NHSL2: variants seen among roughly 807,000 people sequenced by gnomAD.
NHSL2 encodes the protein NHS-like protein 2.
NHSL2 carries 27 observed loss-of-function variants against 53.4 expected under a neutral mutation model. That is an observed-to-expected ratio of 0.51 (90% CI 0.37 to 0.70). NHSL2 has a LOEUF of 0.70. Among genes scored for constraint, NHSL2 ranks in the 30% least tolerant of loss-of-function variants. The pLI is 0.00. For synonymous variants in NHSL2, 408 were observed against 404.1 expected (o/e 1.01, Z -0.12); for missense variants, 892 against 980.1 (o/e 0.91, Z 1.20).
At chrX:72,029,757 C>T (rs956709447) in intron 1 of NHSL2, among the ~76,000 whole-genome samples, 35 of 112,500 alleles carry the variant, frequency 3.1e-4, no homozygotes, top group Admixed American at 2.4e-3. Context: ...GGAGGGGAGG[C>T]GGAGAAAATG....
chrX:71,944,141 C>T (rs926354119), intron 1 of NHSL2, among the ~76,000 whole-genome samples: 2 of 112,430 alleles, frequency 1.8e-5, no homozygotes, highest in Non-Finnish European at 3.8e-5. Flanking sequence ...GAGACTTGGC[C>T]AATGCCTGCC....
chrX:72,111,157 G>C (rs1011741862), intron 1 of NHSL2, among the ~76,000 whole-genome samples: 2 of 112,601 alleles, frequency 1.8e-5, no homozygotes, highest in Non-Finnish European at 3.8e-5. Context: ...TGGAAGAGGA[G>C]GATGAAGGCC....
chrX:72,028,867 G>T (rs979182257), intron 1 of NHSL2, among the ~76,000 whole-genome samples: 1 of 112,346 alleles, frequency 8.9e-6, no homozygotes, highest in African/African-American at 3.2e-5. Context: ...CCCCTGGTTG[G>T]GTCCTCAGCA....
At chrX:71,993,123 T>C (rs983435364) in intron 1 of NHSL2, among the ~76,000 whole-genome samples, 4 of 112,014 alleles carry the variant, frequency 3.6e-5, no homozygotes, top group Admixed American at 2.8e-4. Context: ...CAGTAGTTGC[T>C]GGTGTCTGAA....
At chrX:72,100,585 C>T (rs893141017) in intron 1 of NHSL2, among the ~76,000 whole-genome samples, 1 of 112,120 alleles carries the variant, frequency 8.9e-6, no homozygotes, top group Non-Finnish European at 1.9e-5. Context: ...GGCGGGCGAG[C>T]ATTACCGCCT....
At chrX:72,064,716 G>A (rs1260197151) in intron 1 of NHSL2, among the ~76,000 whole-genome samples, 1 of 112,059 alleles carries the variant, frequency 8.9e-6, no homozygotes, top group East Asian at 2.8e-4. Context: ...TGCTTCTTTC[G>A]GGCCTCAGAC....
intron 6 of NHSL2, among the ~76,000 whole-genome samples, chrX:72,141,954 T>C (rs1260696228): frequency 8.9e-6 from 1 of 111,781 alleles, no homozygotes; most frequent in Non-Finnish European, 1.9e-5. Context: ...AGAAATGATA[T>C]ACAGTGTTTA....
rs1238234769 is a variant in NHSL2, at chrX:72,144,982, C to A, written c.*1408C>A. The A allele has an allele frequency of 8.9e-6, 1 of 112,186 alleles. No homozygotes were observed. The highest frequency in any genetic ancestry group is 3.3e-5 in the African/African-American group (1 of 30,537). The allele number at this position is 112,186 out of a possible 1,213,427, so 9.2% of individuals were successfully genotyped here. The stretch of plus-strand genomic sequence containing the variant: ...CATTTGATTTTTGTATGCCTGATTT[C>A]TGGGAGGTTGGGGAGGAAGACAAAG... On this transcript the variant is annotated 3_prime_UTR_variant, in exon 8 of 8. Transcript: ENST00000633930.
At chrX:72,024,147 C>T (rs1458040113) in intron 1 of NHSL2, among the ~76,000 whole-genome samples, 1 of 111,934 alleles carries the variant, frequency 8.9e-6, no homozygotes, top group Non-Finnish European at 1.9e-5. Context: ...CTCCCTGACC[C>T]CTAACAACTA....
intron 1 of NHSL2, chrX:72,130,024 C>G (rs771936813): frequency 2.5e-6 from 3 of 1,211,091 alleles, no homozygotes; most frequent in Non-Finnish European, 3.4e-6. Flanking sequence ...CTGGTTCCTC[C>G]GTCTGCTAGG....
intron 1 of NHSL2, among the ~76,000 whole-genome samples, chrX:71,951,133 C>T (rs893388436): frequency 8.2e-5 from 9 of 110,241 alleles, no homozygotes; most frequent in Non-Finnish European, 1.3e-4. Context: ...GGTATGGTGT[C>T]AAATTTTATT....
At chrX:71,986,183 G>A (rs182702416) in intron 1 of NHSL2, among the ~76,000 whole-genome samples, 1 of 111,533 alleles carries the variant, frequency 9.0e-6, no homozygotes, top group Admixed American at 9.5e-5. Flanking sequence ...TACCAAATAA[G>A]CCAAATGTCA....
At chrX:72,113,056 C>T (rs2147479727) in intron 1 of NHSL2, among the ~76,000 whole-genome samples, 1 of 112,178 alleles carries the variant, frequency 8.9e-6, no homozygotes, top group South Asian at 3.7e-4. Flanking sequence ...AGTTCCTTAA[C>T]AGATACATGA....
intron 1 of NHSL2, among the ~76,000 whole-genome samples, chrX:72,057,027 C>G (rs773377090): frequency 8.9e-6 from 1 of 112,683 alleles, no homozygotes; most frequent in South Asian, 3.7e-4. Flanking sequence ...CCATTGGGAA[C>G]CCAGGCTGGA....
chrX:72,132,851 G>T (rs1235324067), intron 2 of NHSL2, among the ~76,000 whole-genome samples: 1 of 112,130 alleles, frequency 8.9e-6, no homozygotes, highest in Non-Finnish European at 1.9e-5. Context: ...CTGCCAAGAG[G>T]TGCTCAGTGG....
intron 1 of NHSL2, chrX:72,130,999 A>G: frequency 8.3e-7 from 1 of 1,210,973 alleles, no homozygotes; most frequent in Non-Finnish European, 1.1e-6. Flanking sequence ...GCCCCCGGGG[A>G]AATGAACCTC....
At chrX:72,002,661 A>G in intron 1 of NHSL2, among the ~76,000 whole-genome samples, 1 of 112,012 alleles carries the variant, frequency 8.9e-6, no homozygotes, top group Middle Eastern at 4.6e-3. Flanking sequence ...GGTAAGAACC[A>G]AAGCCTTTGT....
At chrX:71,953,318 C>T (rs2041829217) in intron 1 of NHSL2, among the ~76,000 whole-genome samples, 1 of 112,229 alleles carries the variant, frequency 8.9e-6, no homozygotes, top group Non-Finnish European at 1.9e-5. Context: ...GAGTCCATCT[C>T]GTGCTTTTGG....
At chrX:72,031,700 G>T (rs1378872211) in intron 1 of NHSL2, among the ~76,000 whole-genome samples, 3 of 101,568 alleles carry the variant, frequency 3.0e-5, no homozygotes, top group African/African-American at 1.1e-4. Flanking sequence ...CTGCTTTCTC[G>T]CTCCTTTCCA....
Sources: allele counts gnomAD v4.1 joint callset (sites outside exome capture counted in the v4.1 genomes callset), GRCh38; gene constraint gnomAD v4.1.1; transcripts MANE v1.5; gene names NCBI Gene and HGNC (gene_info 2026-07-23, HGNC 2026-07-21).